SLC12A8: variants seen among roughly 807,000 people sequenced by gnomAD.
SLC12A8 encodes cation-chloride cotransporter 9.
SLC12A8 carries 69 observed loss-of-function variants against 75.6 expected under a neutral mutation model. The ratio of observed to expected loss-of-function variants is 0.91; its 90% CI spans 0.75 to 1.11. The LOEUF (loss-of-function observed/expected upper bound fraction) is 1.11. SLC12A8 is among the 50% of genes most tolerant of loss of function. The probability of loss-of-function intolerance (pLI) is 0.00; values close to 1 mark genes in which losing one functional copy is unlikely to be tolerated. For missense variants in SLC12A8, 877 were observed against 896.7 expected, an observed-to-expected ratio of 0.98 and a Z score of 0.28; for synonymous variants, 365 against 372.8, an observed-to-expected ratio of 0.98 and a Z score of 0.24.
chr3:125,189,970 T>C (rs190989036), intron 3 of SLC12A8, among the ~76,000 whole-genome samples: 1 of 152,272 alleles, frequency 6.6e-6, no homozygotes, highest in East Asian at 1.9e-4. Context: ...CAGTCTTACC[T>C]ACAGGGTTGC....
intron 10 of SLC12A8, among the ~76,000 whole-genome samples, chr3:125,101,014 C>A (rs577316888): frequency 2.6e-5 from 2 of 75,884 alleles, no homozygotes; most frequent in Non-Finnish European, 2.4e-5. Context: ...AGCGAGACTC[C>A]GTCTCAAAAA....
intron 6 of SLC12A8, among the ~76,000 whole-genome samples, chr3:125,123,874 T>C (rs1252279168): frequency 6.6e-6 from 1 of 152,326 alleles, no homozygotes; most frequent in East Asian, 1.9e-4. Flanking sequence ...GGTCATTTTG[T>C]ACACCTTCCT....
At chr3:125,155,707 C>T (rs903862215) in intron 5 of SLC12A8, among the ~76,000 whole-genome samples, 16 of 143,672 alleles carry the variant, frequency 1.1e-4, no homozygotes, top group Middle Eastern at 3.5e-3. Flanking sequence ...GCCAAGATCA[C>T]GCCACTGCAC....
At chr3:125,123,556 C>T (rs2333043) in intron 6 of SLC12A8, 19,124 of 152,040 alleles carry the variant, frequency 0.13, 1,531 homozygotes, top group Admixed American at 0.17. Context: ...GGAGGCATCA[C>T]AAATCATGGC....
chr3:125,174,219 T>G (rs971903134), intron 5 of SLC12A8, among the ~76,000 whole-genome samples: 5 of 152,138 alleles, frequency 3.3e-5, no homozygotes, highest in African/African-American at 1.2e-4. Flanking sequence ...CAAATAAGCA[T>G]ACAAAAACAC....
intron 4 of SLC12A8, among the ~76,000 whole-genome samples, chr3:125,186,456 A>C (rs1376029514): frequency 6.6e-6 from 1 of 152,154 alleles, no homozygotes; most frequent in Non-Finnish European, 1.5e-5. Context: ...TTCTCTGGGG[A>C]GATTCTTGCA....
At chr3:125,152,743 C>A (rs545459454) in intron 5 of SLC12A8, among the ~76,000 whole-genome samples, 38 of 152,316 alleles carry the variant, frequency 2.5e-4, no homozygotes, top group Non-Finnish European at 5.3e-4. Context: ...GACAGATGGA[C>A]AAACTCAAAG....
chr3:125,115,041 C>T (rs1939275848), intron 8 of SLC12A8, among the ~76,000 whole-genome samples: 1 of 152,106 alleles, frequency 6.6e-6, no homozygotes, highest in South Asian at 2.1e-4. Flanking sequence ...AGGGTATGCC[C>T]ATAAGGAGTG....
intron 5 of SLC12A8, among the ~76,000 whole-genome samples, chr3:125,137,562 C>T (rs1933522619): frequency 6.6e-6 from 1 of 152,106 alleles, no homozygotes; most frequent in Non-Finnish European, 1.5e-5. Context: ...GGTCGGAAAG[C>T]ACATCTGAGC....
intron 10 of SLC12A8, among the ~76,000 whole-genome samples, chr3:125,100,700 GC>G (rs1321017457): frequency 1.3e-5 from 2 of 149,446 alleles, no homozygotes; most frequent in Non-Finnish European, 3.0e-5. Context: ...GAGCCACCAT[GC>G]CCAGCTTAAT....
intron 2 of SLC12A8, among the ~76,000 whole-genome samples, chr3:125,195,839 G>A (rs1187205197): frequency 2.0e-5 from 3 of 152,184 alleles, no homozygotes; most frequent in East Asian, 1.9e-4. Flanking sequence ...CAGCAGCCAT[G>A]TCAAGGCCAC....
chr3:125,112,299 G>A lies in SLC12A8; in HGVS notation c.913-1964C>T, dbSNP rs116119770. Among the ~76,000 whole-genome samples, 540 of 151,906 alleles carry A rather than the reference G, an allele frequency of 3.6e-3. 3 individuals carry two copies. The highest frequency in any genetic ancestry group is 0.011 in the African/African-American group (470 of 41,410). ...CTCACCTGTCTCTTTTTTCAATATC[G>A]CAGATTTCTTGGGTTTGTCCTGCCC... On this transcript the variant is annotated intron_variant, in intron 8 of 13. Coordinates refer to ENST00000469902, the MANE Select transcript of SLC12A8 (RefSeq NM_024628.6).
intron 13 of SLC12A8, among the ~76,000 whole-genome samples, chr3:125,087,373 G>A (rs1011819661): frequency 5.3e-5 from 8 of 152,042 alleles, no homozygotes; most frequent in Admixed American, 2.6e-4. Context: ...GATTACAGGC[G>A]TAAGCCACCA....
chr3:125,157,599 C>T (rs1426724421), intron 5 of SLC12A8, among the ~76,000 whole-genome samples: 6 of 152,222 alleles, frequency 3.9e-5, no homozygotes, highest in Non-Finnish European at 7.3e-5. Flanking sequence ...GCACACTCAG[C>T]TCCAGCACAC....
intron 5 of SLC12A8, among the ~76,000 whole-genome samples, chr3:125,169,692 A>T (rs1257330916): frequency 6.6e-6 from 1 of 152,170 alleles, no homozygotes; most frequent in African/African-American, 2.4e-5. Context: ...TCTTCTCTGG[A>T]GAATACGAAC....
intron 6 of SLC12A8, among the ~76,000 whole-genome samples, chr3:125,130,935 GCCT>G (rs1933340731): frequency 6.6e-6 from 1 of 152,192 alleles, no homozygotes; most frequent in Non-Finnish European, 1.5e-5. Flanking sequence ...AGGCAAAGAG[GCCT>G]TCTGCCCTGC....
intron 13 of SLC12A8, chr3:125,087,981 T>C (rs1463872473): frequency 7.5e-6 from 2 of 266,068 alleles, no homozygotes; most frequent in Non-Finnish European, 1.4e-5. Flanking sequence ...TATGCATTGA[T>C]GTGAATGTGT....
chr3:125,167,609 T>C (rs553901763), intron 5 of SLC12A8, among the ~76,000 whole-genome samples: 17 of 152,264 alleles, frequency 1.1e-4, no homozygotes, highest in African/African-American at 4.1e-4. Context: ...TAAATATGAT[T>C]TTCATCCTTG....
At chr3:125,175,732 C>T (rs1397201409) in intron 5 of SLC12A8, among the ~76,000 whole-genome samples, 1 of 147,684 alleles carries the variant, frequency 6.8e-6, no homozygotes, top group African/African-American at 2.5e-5. Flanking sequence ...TGCGGGCCAT[C>T]TCTGCAGGGT....
Sources: gnomAD v4.1 joint callset for allele counts (sites outside exome capture counted in the v4.1 genomes callset) on GRCh38, gnomAD v4.1.1 for gene constraint, MANE v1.5 for transcripts, NCBI Gene and HGNC (gene_info 2026-07-23, HGNC 2026-07-21) for gene names.